RAPGEF6: variants seen among roughly 807,000 people sequenced by gnomAD.
The protein encoded by RAPGEF6 is PDZ domain containing guanine nucleotide exchange factor (GEF) 2.
In RAPGEF6, 56 loss-of-function variants were observed where a neutral mutation model predicts 171.4. The observed-to-expected ratio is 0.33, with a 90% CI of 0.26 to 0.41. The LOEUF is 0.41. Ranked by LOEUF, RAPGEF6 falls within the 10% of genes least tolerant of loss-of-function variation. The pLI is 1.00. For synonymous variants in RAPGEF6, 692 were observed against 650.1 expected (o/e 1.06, Z -0.98); for missense variants, 1,674 against 1,921.4 (o/e 0.87, Z 2.41).
Position 131,495,658 on chromosome 5 carries a change from C to T in RAPGEF6, c.1422G>A (p.Val474=). 6.2e-7 allele frequency: 1 copy of T among 1,611,600 alleles called. No homozygotes were observed. The highest frequency in any genetic ancestry group is 1.3e-5 in the African/African-American group (1 of 74,944). ...TTACCCATAATAATACAATCCGTGT[C>T]ACCTGTGGAAACATAAAAGAGGCAG... ...WFKIDSLRDK[V]TRIVLLWVNN... The change falls in exon 13 of 28, where the codon GTG becomes GTA. Residue 474 remains valine (V), a splice_region_variant and synonymous_variant. Transcript: ENST00000509018.
In RAPGEF6 at chr5:131,426,037, T is replaced by G. The variant is rs1751381495; in HGVS notation, c.*1229A>C. On this transcript the variant is annotated 3_prime_UTR_variant, in exon 28 of 28. Transcript: ENST00000509018. ...AAAATCTGCCTCATCCAGTAAACAG[T>G]CACTGAAATTTTAATTAAGAGTGCC... 6.6e-6 allele frequency: 1 copy of G among 151,956 alleles called. No homozygotes were observed. Among genetic ancestry groups the G allele is most frequent in the South Asian group, 2.1e-4 (1 of 4,808 alleles). The allele number at this position is 151,956 out of a possible 1,614,324, so 9.4% of individuals were successfully genotyped here. A position where few individuals can be genotyped will look rare whatever the true frequency, so the allele number is the denominator to read the frequency against.
intron 24 of RAPGEF6, among the ~76,000 whole-genome samples, chr5:131,434,089 T>C (rs1198174195): frequency 6.6e-6 from 1 of 152,192 alleles, no homozygotes; most frequent in East Asian, 1.9e-4. Context: ...CTGATCTGAA[T>C]CCCAAATACC....
chr5:131,486,782 T>A (rs1312955144), intron 15 of RAPGEF6, among the ~76,000 whole-genome samples: 8 of 143,966 alleles, frequency 5.6e-5, no homozygotes, highest in Non-Finnish European at 4.5e-5. Context: ...CAGGCGGGAG[T>A]GCAGTGGCGC....
At chr5:131,446,923 A>G (rs910484599) in intron 21 of RAPGEF6, 2 of 497,314 alleles carry the variant, frequency 4.0e-6, no homozygotes, top group Non-Finnish European at 3.6e-6. Flanking sequence ...ATAGGATAAC[A>G]ATGGCCCCCT....
chr5:131,491,237 C>T (rs935036763), intron 14 of RAPGEF6, among the ~76,000 whole-genome samples: 4 of 152,120 alleles, frequency 2.6e-5, no homozygotes, highest in African/African-American at 7.2e-5. Context: ...GCAGCATCCT[C>T]GGCCTCTGTC....
At chr5:131,547,548 C>T (rs1047561002) in intron 6 of RAPGEF6, among the ~76,000 whole-genome samples, 14 of 144,174 alleles carry the variant, frequency 9.7e-5, no homozygotes, top group East Asian at 2.0e-4. Context: ...TTGCTCTTGT[C>T]GACCAGGCTG....
intron 17 of RAPGEF6, among the ~76,000 whole-genome samples, chr5:131,467,253 G>C (rs1283146382): frequency 6.6e-6 from 1 of 152,186 alleles, no homozygotes; most frequent in Non-Finnish European, 1.5e-5. Flanking sequence ...AAAGTGATTT[G>C]TCCATGTGAA....
At chr5:131,548,611 A>G in intron 5 of RAPGEF6, among the ~76,000 whole-genome samples, 1 of 152,252 alleles carries the variant, frequency 6.6e-6, no homozygotes, top group East Asian at 1.9e-4. Context: ...AACTTTATGC[A>G]ATATTCTTTA....
rs1756600146 is a variant in RAPGEF6 at position 131,495,736 on chromosome 5, C to A, written c.1420-76G>T. The A allele has an allele frequency of 4.0e-6, 6 of 1,514,864 alleles. No homozygotes were observed. The Admixed American group carries it at 8.7e-5, about 22-fold the overall frequency. The allele number at this position is 1,514,864 out of a possible 1,614,324, so 93.8% of individuals were successfully genotyped here. A position where few individuals can be genotyped will look rare whatever the true frequency, so the allele number is the denominator to read the frequency against. ...GCACAAGTGGATTCCAAAAGCATGT[C>A]TAAAACTCATGAAGAACTGACAACC... On this transcript the variant is annotated intron_variant, in intron 12 of 27. Coordinates refer to ENST00000509018, the MANE Select transcript of RAPGEF6 (RefSeq NM_016340.6).
intron 20 of RAPGEF6, among the ~76,000 whole-genome samples, chr5:131,455,308 G>A (rs951823544): frequency 6.6e-6 from 1 of 152,220 alleles, no homozygotes; most frequent in Admixed American, 6.5e-5. Context: ...GCCCAGGCTG[G>A]AGTGCAGTGG....
chr5:131,495,449 C>T, intron 13 of RAPGEF6, 104 bp downstream of exon 13: 1 of 806,310 alleles, frequency 1.2e-6, no homozygotes, highest in South Asian at 1.9e-5. Context: ...TAAGAATGGA[C>T]ATTTAAGACA....
At chr5:131,575,784 C>T (rs1023130561) in intron 4 of RAPGEF6, among the ~76,000 whole-genome samples, 2 of 152,124 alleles carry the variant, frequency 1.3e-5, no homozygotes, top group African/African-American at 4.8e-5. Flanking sequence ...CAAGGCTGTG[C>T]GGTCGGAGTT....
chr5:131,524,396 G>A (rs1758716634), intron 6 of RAPGEF6, among the ~76,000 whole-genome samples: 1 of 152,172 alleles, frequency 6.6e-6, no homozygotes, highest in South Asian at 2.1e-4. Context: ...GACTTGATAG[G>A]TGAAGAATGT....
At chr5:131,473,157 T>C (rs1754867016) in intron 16 of RAPGEF6, among the ~76,000 whole-genome samples, 1 of 152,176 alleles carries the variant, frequency 6.6e-6, no homozygotes, top group Non-Finnish European at 1.5e-5. Context: ...AAAATCTTGG[T>C]GATCCTCTAG....
rs139170325 is a variant in RAPGEF6, at chr5:131,438,360, C to A, written c.3745+1221G>T. Reference sequence around the variant, plus strand: ...CACGGTTCAAACTCAGGTCTGACATCACTGTACATAATTGCCACATAGGTG... The same window carrying A: ...CACGGTTCAAACTCAGGTCTGACATAACTGTACATAATTGCCACATAGGTG... On this transcript the variant is annotated intron_variant, in intron 24 of 27. Transcript: ENST00000509018. Among the ~76,000 whole-genome samples the A allele has an allele frequency of 2.6e-4, 39 of 152,318 alleles. No homozygotes were observed. The East Asian group carries it at 6.4e-3, about 25-fold the overall frequency.
intron 6 of RAPGEF6, among the ~76,000 whole-genome samples, chr5:131,535,973 T>C (rs1759742162): frequency 6.6e-6 from 1 of 152,138 alleles, no homozygotes; most frequent in East Asian, 1.9e-4. Flanking sequence ...AAACTGGATT[T>C]ATACTAACCC....
chr5:131,459,486 T>A (rs1187887678), intron 19 of RAPGEF6, among the ~76,000 whole-genome samples: 1 of 152,144 alleles, frequency 6.6e-6, no homozygotes, highest in Admixed American at 6.5e-5. Flanking sequence ...CAATTCTTTG[T>A]TCTTAACTAA....
chr5:131,574,844 C>A (rs192931936), intron 4 of RAPGEF6, among the ~76,000 whole-genome samples: 1 of 152,074 alleles, frequency 6.6e-6, no homozygotes, highest in Non-Finnish European at 1.5e-5. Context: ...ACCCTTACCC[C>A]GCTCAACGCC....
chr5:131,528,392 T>C (rs1759134559), intron 6 of RAPGEF6, among the ~76,000 whole-genome samples: 1 of 141,192 alleles, frequency 7.1e-6, no homozygotes, highest in African/African-American at 2.7e-5. Context: ...TTTATGGAAT[T>C]TACCATTTCC....
Sources: allele counts gnomAD v4.1 joint callset (sites outside exome capture counted in the v4.1 genomes callset), GRCh38; gene constraint gnomAD v4.1.1; transcripts MANE v1.5; gene names NCBI Gene and HGNC (gene_info 2026-07-23, HGNC 2026-07-21).